IL1RAPL1: variants seen among roughly 807,000 people sequenced by gnomAD.
IL1RAPL1 encodes interleukin 1 receptor accessory protein like 1, also known as interleukin-1 receptor accessory protein-like 1.
In IL1RAPL1, 3 loss-of-function variants were observed where a neutral mutation model predicts 48.4. The ratio of observed to expected loss-of-function variants is 0.06; its 90% CI spans 0.03 to 0.16. The LOEUF (loss-of-function observed/expected upper bound fraction) is 0.16, where lower values mean the gene tolerates loss of function less well. Among genes scored for constraint, IL1RAPL1 ranks in the 10% least tolerant of loss-of-function variants. The pLI is 1.00. For missense variants in IL1RAPL1, 349 were observed against 530.6 expected (o/e 0.66, Z 3.36); for synonymous variants, 185 against 187.7 (o/e 0.99, Z 0.12).
intron 1 of IL1RAPL1, among the ~76,000 whole-genome samples, chrX:28,698,824 GA>G (rs1389858598): frequency 1.8e-5 from 2 of 111,373 alleles, no homozygotes; most frequent in Admixed American, 1.9e-4. Flanking sequence ...TTGAATTAAG[GA>G]AACAAACTGA....
At chrX:29,915,852 A>C (rs1932795856) in intron 6 of IL1RAPL1, among the ~76,000 whole-genome samples, 2 of 79,191 alleles carry the variant, frequency 2.5e-5, no homozygotes, top group East Asian at 4.2e-4. Context: ...GCACCCACTA[A>C]CTCGTCATCT....
intron 8 of IL1RAPL1, among the ~76,000 whole-genome samples, chrX:29,932,708 G>A (rs939241936): frequency 1.8e-5 from 2 of 111,627 alleles, no homozygotes; most frequent in Non-Finnish European, 3.8e-5. Context: ...TTATAATGTA[G>A]CATTTCTTAT....
intron 6 of IL1RAPL1, among the ~76,000 whole-genome samples, chrX:29,763,170 T>C (rs1338350206): frequency 9.0e-6 from 1 of 110,527 alleles, no homozygotes; most frequent in Non-Finnish European, 1.9e-5. Context: ...TGATATTTGC[T>C]CTCCTAGCTC....
At chrX:29,687,386 A>C (rs1569146209) in intron 6 of IL1RAPL1, among the ~76,000 whole-genome samples, 2 of 112,249 alleles carry the variant, frequency 1.8e-5, no homozygotes, top group Non-Finnish European at 3.8e-5. Context: ...GTGTTAAGTG[A>C]AATAAGCCAG....
At chrX:28,885,769 G>T (rs1232270354) in intron 2 of IL1RAPL1, among the ~76,000 whole-genome samples, 3 of 110,931 alleles carry the variant, frequency 2.7e-5, no homozygotes, top group African/African-American at 9.8e-5. Flanking sequence ...AAGGTTAAAT[G>T]CTGGTTTGGT....
At chrX:29,377,516 T>C (rs147255943) in intron 3 of IL1RAPL1, among the ~76,000 whole-genome samples, 1 of 112,393 alleles carries the variant, frequency 8.9e-6, no homozygotes, top group African/African-American at 3.2e-5. Flanking sequence ...ATTTCATGTT[T>C]AGCATTCCCT....
chrX:28,808,629 A>G (rs1936757901), intron 2 of IL1RAPL1, among the ~76,000 whole-genome samples: 1 of 111,095 alleles, frequency 9.0e-6, no homozygotes, highest in Non-Finnish European at 1.9e-5. Context: ...ATTAAACAAG[A>G]CGTAGGCTTT....
chrX:29,195,980 C>T (rs758152000), intron 2 of IL1RAPL1, among the ~76,000 whole-genome samples: 36 of 111,799 alleles, frequency 3.2e-4, no homozygotes, highest in African/African-American at 7.5e-4. Context: ...AAATTTTCTT[C>T]GGTAATACTT....
intron 6 of IL1RAPL1, among the ~76,000 whole-genome samples, chrX:29,802,747 T>TTATA (rs1210417673): frequency 0.028 from 1,000 of 36,102 alleles, 16 homozygotes; most frequent in Non-Finnish European, 0.039. Context: ...GAGGAAAAAA[T>TTATA]TATATATATA....
chrX:29,122,660 T>A (rs1448233710), intron 2 of IL1RAPL1, among the ~76,000 whole-genome samples: 1 of 111,076 alleles, frequency 9.0e-6, no homozygotes, highest in Non-Finnish European at 1.9e-5. Flanking sequence ...GAAGTAGTAA[T>A]TAATAGCAGC....
intron 2 of IL1RAPL1, among the ~76,000 whole-genome samples, chrX:28,789,696 A>G (rs1285778038): frequency 8.9e-6 from 1 of 112,169 alleles, no homozygotes; most frequent in Non-Finnish European, 1.9e-5. Flanking sequence ...ATTTTGTGGT[A>G]GGATTTTAAG....
intron 5 of IL1RAPL1, among the ~76,000 whole-genome samples, chrX:29,466,102 A>C (rs954492417): frequency 8.9e-5 from 10 of 112,522 alleles, no homozygotes; most frequent in African/African-American, 3.2e-4. Context: ...TACACTAAAA[A>C]GTAAGTTTTT....
intron 5 of IL1RAPL1, among the ~76,000 whole-genome samples, chrX:29,600,895 T>C (rs1341360832): frequency 9.0e-6 from 1 of 111,164 alleles, no homozygotes; most frequent in African/African-American, 3.3e-5. Flanking sequence ...CAGCTACCAG[T>C]CCTAAAGGCT....
At chrX:29,535,181 A>G (rs1195020154) in intron 5 of IL1RAPL1, among the ~76,000 whole-genome samples, 12 of 104,111 alleles carry the variant, frequency 1.2e-4, no homozygotes, top group African/African-American at 3.6e-4. Context: ...CTTTATTCCT[A>G]TGAGAACCCC....
At chrX:29,762,868 A>G (rs999739407) in intron 6 of IL1RAPL1, among the ~76,000 whole-genome samples, 12 of 110,893 alleles carry the variant, frequency 1.1e-4, no homozygotes, top group African/African-American at 3.3e-4. Context: ...GGATCAGGTA[A>G]TTGCTCAGAA....
At chrX:29,258,403 G>A (rs764568340) in intron 2 of IL1RAPL1, among the ~76,000 whole-genome samples, 40 of 110,963 alleles carry the variant, frequency 3.6e-4, no homozygotes, top group African/African-American at 1.2e-3. Flanking sequence ...TGTTACCTTC[G>A]GGTTCCTCTG....
In IL1RAPL1 at chrX:29,479,414, C is replaced by CAAAAAAAAAAAAAAAAAAAAAAAAA. The variant is rs3069570; in HGVS notation, c.703+80123_703+80124insAAAAAAAAAAAAAAAAAAAAAAAAA. Among the ~76,000 whole-genome samples the CAAAAAAAAAAAAAAAAAAAAAAAAA allele has an allele frequency of 7.8e-4, 33 of 42,477 alleles. 5 individuals carry two copies. The highest frequency in any genetic ancestry group is 2.0e-3 in the African/African-American group (21 of 10,388). 36.9% of individuals were successfully genotyped at this position (42,477 alleles called of 115,157 possible). A position where few individuals can be genotyped will look rare whatever the true frequency, so the allele number is the denominator to read the frequency against. ...TGGGTGACAGAGCGAGACCCTGTCT[C>CAAAAAAAAAAAAAAAAAAAAAAAAA]AAAAAAAAAAAAAAAAATTAGCATT... On this transcript the variant is annotated intron_variant, in intron 5 of 10. Coordinates refer to ENST00000378993, the MANE Select transcript of IL1RAPL1 (RefSeq NM_014271.4).
intron 2 of IL1RAPL1, among the ~76,000 whole-genome samples, chrX:29,000,967 C>T (rs1346025347): frequency 9.4e-6 from 1 of 106,681 alleles, no homozygotes; most frequent in Non-Finnish European, 1.9e-5. Flanking sequence ...TTTTTCCATC[C>T]TTTCTTCATA....
intron 2 of IL1RAPL1, among the ~76,000 whole-genome samples, chrX:29,281,978 T>G (rs1932209216): frequency 2.7e-5 from 3 of 111,524 alleles, no homozygotes; most frequent in Admixed American, 1.9e-4. Context: ...ATCTCTTTTT[T>G]GTAATCACGA....
Sources: allele counts gnomAD v4.1 joint callset (sites outside exome capture counted in the v4.1 genomes callset), GRCh38; gene constraint gnomAD v4.1.1; transcripts MANE v1.5; gene names NCBI Gene and HGNC (gene_info 2026-07-23, HGNC 2026-07-21).